Variants in DLG2 observed in about 807,000 individuals in gnomAD.
DLG2 encodes discs large MAGUK scaffold protein 2.
Under a neutral mutation model 132.5 loss-of-function variants are expected in DLG2, and 45 were observed. The ratio of observed to expected loss-of-function variants is 0.34; its 90% CI spans 0.27 to 0.44. The LOEUF is 0.44. Among genes scored for constraint, DLG2 ranks in the 20% least tolerant of loss-of-function variants. DLG2 has a pLI of 1.00. For missense variants in DLG2, 1,045 were observed against 1,196.9 expected (o/e 0.87, Z 1.87); for synonymous variants, 424 against 419.6 (o/e 1.01, Z -0.13).
intron 6 of DLG2, among the ~76,000 whole-genome samples, chr11:84,576,096 ACTC>A (rs1279552507): frequency 1.3e-5 from 2 of 152,014 alleles, no homozygotes; most frequent in African/African-American, 4.8e-5. Context: ...TACTCTAGTC[ACTC>A]TATTTAAACT....
intron 3 of DLG2, among the ~76,000 whole-genome samples, chr11:85,484,134 A>C (rs1289914495): frequency 1.3e-5 from 2 of 151,548 alleles, no homozygotes; most frequent in Admixed American, 1.3e-4. Context: ...AACCGTTAAG[A>C]GGTAAATGGG....
intron 2 of DLG2, among the ~76,000 whole-genome samples, chr11:85,613,969 T>C (rs2081177214): frequency 6.6e-6 from 1 of 152,048 alleles, no homozygotes; most frequent in Non-Finnish European, 1.5e-5. Flanking sequence ...ATGCCACCTT[T>C]AAGAGCTGTA....
At chr11:84,762,340 C>T (rs573099741) in intron 6 of DLG2, among the ~76,000 whole-genome samples, 6 of 152,148 alleles carry the variant, frequency 3.9e-5, no homozygotes, top group Admixed American at 6.5e-5. Context: ...TAGATGGTGG[C>T]GTTCAATAAA....
At position 85,074,587 on chromosome 11, in the gene DLG2, A is replaced by G. The variant is rs563187401; in HGVS notation, c.357+37074T>C. ...AAAAACTTGGGCCATAAACAACAGA[A>G]GATCATTTCTGTTAACAGTAGAAGA... On this transcript the variant is annotated intron_variant, in intron 6 of 27. Coordinates refer to ENST00000376104, the MANE Select transcript of DLG2 (RefSeq NM_001142699.3). Among the ~76,000 whole-genome samples, 16 of 151,566 alleles carry G rather than the reference A, an allele frequency of 1.1e-4. No homozygotes were observed. The South Asian group carries it at 2.7e-3, about 26-fold the overall frequency.
chr11:84,097,814 T>C (rs1323997441), intron 10 of DLG2, among the ~76,000 whole-genome samples: 1 of 152,186 alleles, frequency 6.6e-6, no homozygotes, highest in Non-Finnish European at 1.5e-5. Context: ...TAGGGCATGT[T>C]ATTCTTCCTG....
At chr11:83,828,387 C>T (rs1202375047) in intron 17 of DLG2, among the ~76,000 whole-genome samples, 1 of 152,122 alleles carries the variant, frequency 6.6e-6, no homozygotes, top group Admixed American at 6.6e-5. Flanking sequence ...AGCCAGACTC[C>T]GTCACAAATA....
At chr11:85,496,363 T>C (rs570231934) in intron 3 of DLG2, among the ~76,000 whole-genome samples, 2 of 152,092 alleles carry the variant, frequency 1.3e-5, no homozygotes, top group African/African-American at 4.8e-5. Context: ...CATCCACCAT[T>C]GCTGAGGCTT....
intron 3 of DLG2, among the ~76,000 whole-genome samples, chr11:85,579,173 A>G (rs2078351582): frequency 6.6e-6 from 1 of 152,146 alleles, no homozygotes; most frequent in Non-Finnish European, 1.5e-5. Flanking sequence ...TATAAGTGAG[A>G]GCTAAATGAT....
intron 1 of DLG2, 132 bp downstream of exon 1, chr11:85,627,086 C>T (rs147483463): frequency 1.1e-3 from 165 of 152,236 alleles, no homozygotes; most frequent in African/African-American, 3.8e-3. Context: ...AACCCCACCT[C>T]CCCAAAAATA....
At chr11:84,914,882 C>T (rs1045074296) in intron 6 of DLG2, among the ~76,000 whole-genome samples, 5 of 152,096 alleles carry the variant, frequency 3.3e-5, no homozygotes, top group Admixed American at 6.5e-5. Flanking sequence ...GTACACAGTG[C>T]CTGACTCATC....
chr11:85,314,490 A>G (rs1040255029), intron 3 of DLG2, among the ~76,000 whole-genome samples: 1 of 151,886 alleles, frequency 6.6e-6, no homozygotes, highest in Admixed American at 6.6e-5. Context: ...ATGCACACAC[A>G]TATACATATA....
intron 6 of DLG2, among the ~76,000 whole-genome samples, chr11:84,655,149 C>T (rs1217570515): frequency 2.0e-5 from 3 of 152,160 alleles, no homozygotes; most frequent in African/African-American, 7.2e-5. Flanking sequence ...CTGATCTGCC[C>T]TGTGTATTGT....
chr11:85,398,347 C>T (rs1002999391), intron 3 of DLG2, among the ~76,000 whole-genome samples: 6 of 152,016 alleles, frequency 3.9e-5, no homozygotes, highest in Non-Finnish European at 7.4e-5. Context: ...AAATTGACAC[C>T]TTAACATCAT....
intron 6 of DLG2, among the ~76,000 whole-genome samples, chr11:84,539,805 T>A (rs1201608155): frequency 2.6e-5 from 4 of 152,168 alleles, no homozygotes; most frequent in Non-Finnish European, 5.9e-5. Flanking sequence ...AACTTCAAAC[T>A]ATACTACAAG....
At chr11:83,977,153 GTTAT>G (rs1420349253) in intron 12 of DLG2, among the ~76,000 whole-genome samples, 1 of 151,930 alleles carries the variant, frequency 6.6e-6, no homozygotes, top group Non-Finnish European at 1.5e-5. Context: ...AAGAAAGTGG[GTTAT>G]TTAAGAATCT....
chr11:83,739,437 A>G (rs2092315622), intron 18 of DLG2, among the ~76,000 whole-genome samples: 1 of 152,210 alleles, frequency 6.6e-6, no homozygotes, highest in Admixed American at 6.6e-5. Flanking sequence ...CAAGACATAA[A>G]GAAAAATATG....
intron 21 of DLG2, among the ~76,000 whole-genome samples, chr11:83,507,664 T>G (rs1229177110): frequency 6.9e-6 from 1 of 145,458 alleles, no homozygotes; most frequent in Non-Finnish European, 1.5e-5. Context: ...TCACCACCCC[T>G]GCATCTTTTA....
chr11:85,077,706 T>C (rs1223885290), intron 6 of DLG2, among the ~76,000 whole-genome samples: 1 of 152,076 alleles, frequency 6.6e-6, no homozygotes, highest in African/African-American at 2.4e-5. Flanking sequence ...GCTGACACTA[T>C]TTTTATCTCT....
At chr11:83,718,532 G>GAAAAAAAAAAAAAAAAAAAAAAAAAA (rs57237354) in intron 18 of DLG2, among the ~76,000 whole-genome samples, 1 of 106,284 alleles carries the variant, frequency 9.4e-6, no homozygotes, top group African/African-American at 3.6e-5. Context: ...CTCAAAAAAA[G>GAAAAAAAAAAAAAAAAAAAAAAAAAA]AAAAAAAAAA....
Sources: gnomAD v4.1 joint callset for allele counts (sites outside exome capture counted in the v4.1 genomes callset) on GRCh38, gnomAD v4.1.1 for gene constraint, MANE v1.5 for transcripts, NCBI Gene and HGNC (gene_info 2026-07-23, HGNC 2026-07-21) for gene names.